ANK1: variants seen among roughly 807,000 people sequenced by gnomAD.
ANK1 encodes the protein ankyrin 1, also known as ankyrin-1.
ANK1 carries 51 observed loss-of-function variants against 210.4 expected under a neutral mutation model. The ratio of observed to expected loss-of-function variants is 0.24; its 90% confidence interval spans 0.19 to 0.31. The LOEUF (loss-of-function observed/expected upper bound fraction) is 0.31, where lower values mean the gene tolerates loss of function less well. Ranked by LOEUF, ANK1 falls within the 10% of genes least tolerant of loss-of-function variation. The pLI is 1.00. For missense variants in ANK1, 2,051 were observed against 2,504.4 expected, an observed-to-expected ratio of 0.82 and a Z score of 3.86; for synonymous variants, 967 against 1,025.9, an observed-to-expected ratio of 0.94 and a Z score of 1.10.
chr8:41,836,630 A>G (rs896219833), intron 1 of ANK1, among the ~76,000 whole-genome samples: 6 of 152,206 alleles, frequency 3.9e-5, no homozygotes, highest in African/African-American at 1.4e-4. Flanking sequence ...GGCCTCTCAA[A>G]AGGAGGGTAA....
chr8:41,763,472 C>G (rs971537263), intron 1 of ANK1, among the ~76,000 whole-genome samples: 11 of 152,074 alleles, frequency 7.2e-5, no homozygotes, highest in African/African-American at 2.7e-4. Context: ...ATAACTTGCC[C>G]AAGTTCTGCA....
chr8:41,835,439 G>A (rs943688997), intron 1 of ANK1, among the ~76,000 whole-genome samples: 9 of 152,110 alleles, frequency 5.9e-5, no homozygotes, highest in South Asian at 2.1e-4. Context: ...GAGACACAGC[G>A]AGACTCCGTC....
chr8:41,662,774 C>T (rs1487408781), intron 40 of ANK1, among the ~76,000 whole-genome samples: 2 of 152,098 alleles, frequency 1.3e-5, no homozygotes, highest in Non-Finnish European at 2.9e-5. Flanking sequence ...ATGAGAGCTG[C>T]GCCTAAGCAG....
In ANK1 at chr8:41,698,054, C is replaced by T; in HGVS notation, c.2626G>A (p.Glu876Lys). Residue 876 changes from glutamate to lysine, a missense_variant, in exon 24 of 43, where the codon GAG becomes AAG. Coordinates refer to ENST00000289734, the MANE Select transcript of ANK1 (RefSeq NM_000037.4). ...MPETVVIRSE[E>K]QEQASKEYDE... ...AAGGAGCTTCTCACCTGCTCCTGCTCTTCTGACCTGATCACCACTGTCTCA... is the reference window on the plus strand; with the variant it reads ...AAGGAGCTTCTCACCTGCTCCTGCTTTTCTGACCTGATCACCACTGTCTCA... 6.2e-7 allele frequency: 1 copy of T among 1,614,160 alleles called. No homozygotes were observed. Among genetic ancestry groups the T allele is most frequent in the Non-Finnish European group, 8.5e-7 (1 of 1,180,036 alleles).
intron 38 of ANK1, among the ~76,000 whole-genome samples, chr8:41,671,656 C>T (rs1372783471): frequency 7.7e-5 from 11 of 143,516 alleles, no homozygotes; most frequent in Middle Eastern, 4.2e-3. Context: ...GCCCTCCCAG[C>T]ACCCCGATGT....
intron 15 of ANK1, 151 bp downstream of exon 15, chr8:41,714,825 A>T: frequency 2.5e-6 from 2 of 793,440 alleles, no homozygotes; most frequent in Non-Finnish European, 4.2e-6. Flanking sequence ...GCACCACTGC[A>T]CTCCAGCCTG....
At chr8:41,804,262 T>TCTTACACTGCAG (rs1296377024) in intron 1 of ANK1, among the ~76,000 whole-genome samples, 1 of 152,142 alleles carries the variant, frequency 6.6e-6, no homozygotes, top group East Asian at 1.9e-4. Flanking sequence ...CCAACCATCC[T>TCTTACACTGCAG]CTTACACTGC....
chr8:41,850,242 G>T (rs1343270590), intron 1 of ANK1, among the ~76,000 whole-genome samples: 1 of 152,152 alleles, frequency 6.6e-6, no homozygotes, highest in Non-Finnish European at 1.5e-5. Flanking sequence ...TGGGCTAAAA[G>T]TTCCGCCTGA....
intron 1 of ANK1, among the ~76,000 whole-genome samples, chr8:41,872,029 G>C (rs1815618094): frequency 1.3e-5 from 2 of 152,214 alleles, no homozygotes; most frequent in African/African-American, 4.8e-5. Flanking sequence ...TTATTTATTA[G>C]CTGCTGTCCT....
At chr8:41,721,037 A>T (rs1425436206) in intron 9 of ANK1, among the ~76,000 whole-genome samples, 13 of 152,178 alleles carry the variant, frequency 8.5e-5, no homozygotes, top group Non-Finnish European at 1.9e-4. Context: ...ATGACAGCAG[A>T]TGTTAGTGTT....
At chr8:41,820,327 ATGTGTGTGTG>A (rs56359274) in intron 1 of ANK1, among the ~76,000 whole-genome samples, 2,157 of 142,880 alleles carry the variant, frequency 0.015, 39 homozygotes, top group East Asian at 0.07. Context: ...ACCAAGCTAA[ATGTGTGTGTG>A]TGTGTGTGTG....
intron 1 of ANK1, among the ~76,000 whole-genome samples, chr8:41,869,329 T>C (rs546673967): frequency 6.6e-5 from 10 of 152,312 alleles, no homozygotes; most frequent in South Asian, 4.1e-4. Context: ...TCAGGGATCT[T>C]GCTTAAAAAT....
intron 1 of ANK1, chr8:41,829,267 G>C (rs1474391154): frequency 2.0e-5 from 3 of 152,222 alleles, no homozygotes; most frequent in Non-Finnish European, 2.9e-5. Flanking sequence ...AAAAATCTGA[G>C]ATTTCTTCTT....
At chr8:41,785,576 C>T (rs562049850) in intron 1 of ANK1, among the ~76,000 whole-genome samples, 3 of 152,294 alleles carry the variant, frequency 2.0e-5, no homozygotes, top group East Asian at 3.9e-4. Flanking sequence ...GCGCTCCTGC[C>T]TGCATGGTTC....
At chr8:41,723,077 C>T in intron 9 of ANK1, 48 bp downstream of exon 9, 1 of 1,550,376 alleles carries the variant, frequency 6.5e-7, no homozygotes, top group African/African-American at 1.4e-5. Flanking sequence ...GTCTGTTGGA[C>T]CTGGAGCCCT....
At chr8:41,876,764 T>C (rs1171702470) in intron 1 of ANK1, among the ~76,000 whole-genome samples, 6 of 152,200 alleles carry the variant, frequency 3.9e-5, no homozygotes, top group Admixed American at 3.9e-4. Flanking sequence ...TGGGGAATGG[T>C]AACCCCTCAT....
At chr8:41,874,297 C>T (rs1258387194) in intron 1 of ANK1, among the ~76,000 whole-genome samples, 1 of 152,212 alleles carries the variant, frequency 6.6e-6, no homozygotes, top group Non-Finnish European at 1.5e-5. Flanking sequence ...AGGCCCACAG[C>T]CACTAATCTG....
chr8:41,861,598 C>T (rs1813280609), intron 1 of ANK1, among the ~76,000 whole-genome samples: 1 of 152,348 alleles, frequency 6.6e-6, no homozygotes, highest in African/African-American at 2.4e-5. Context: ...AGTGCTCACT[C>T]GGTGCCTGTG....
chr8:41,686,452 T>A (rs553331381), intron 35 of ANK1, among the ~76,000 whole-genome samples, 169 bp from the exon 36 acceptor site: 4 of 152,150 alleles, frequency 2.6e-5, no homozygotes, highest in African/African-American at 9.7e-5. Flanking sequence ...ATCAAGAAAT[T>A]CCTTATGAAA....
Sources: gnomAD v4.1 joint callset for allele counts (sites outside exome capture counted in the v4.1 genomes callset) on GRCh38, gnomAD v4.1.1 for gene constraint, MANE v1.5 for transcripts, NCBI Gene and HGNC (gene_info 2026-07-23, HGNC 2026-07-21) for gene names.